The following CEP170 variants were observed in gnomAD, a reference collection of about 807,000 sequenced individuals.
The protein encoded by CEP170 is centrosomal protein of 170 kDa.
A neutral mutation model predicts 151.9 loss-of-function variants in CEP170; 21 were observed. The observed-to-expected ratio is 0.14, with a 90% CI of 0.10 to 0.20. The LOEUF is 0.20. CEP170 is among the 10% of genes least tolerant of loss of function. The probability of loss-of-function intolerance (pLI) is 1.00; values close to 1 mark genes in which losing one functional copy is unlikely to be tolerated. For missense variants in CEP170, 964 were observed against 1,892.9 expected (o/e 0.51, Z 9.11); for synonymous variants, 356 against 648.8 (o/e 0.55, Z 6.86).
At chr1:243,212,735 T>C (rs995400609) in intron 3 of CEP170, among the ~76,000 whole-genome samples, 1 of 152,060 alleles carries the variant, frequency 6.6e-6, no homozygotes, top group African/African-American at 2.4e-5. Context: ...GCGATCATGG[T>C]GCACTGCAGC....
At chr1:243,254,962 G>A (rs1223709306) in intron 1 of CEP170, 78 bp downstream of exon 1, 3 of 152,260 alleles carry the variant, frequency 2.0e-5, no homozygotes, top group Non-Finnish European at 2.9e-5. Flanking sequence ...GCAAACCCGA[G>A]GAGCAGGATG....
At chr1:243,230,717 A>G (rs1297545782) in intron 1 of CEP170, among the ~76,000 whole-genome samples, 1 of 152,152 alleles carries the variant, frequency 6.6e-6, no homozygotes, top group Non-Finnish European at 1.5e-5. Context: ...TCAATATGAG[A>G]AGCAGAAAAA....
chr1:243,131,166 C>T (rs1480886115), intron 17 of CEP170, among the ~76,000 whole-genome samples: 2 of 151,828 alleles, frequency 1.3e-5, no homozygotes, highest in Non-Finnish European at 2.9e-5. Flanking sequence ...AAAAAAAATG[C>T]CCCCCTGAAG....
chr1:243,243,170 G>T (rs1379150587), intron 1 of CEP170, among the ~76,000 whole-genome samples: 1 of 152,140 alleles, frequency 6.6e-6, no homozygotes, highest in Non-Finnish European at 1.5e-5. Context: ...GCTGCAGTAG[G>T]CTATGATCAT....
upstream of CEP170, chr1:243,255,327 C>T (rs2066538272): frequency 6.5e-6 from 1 of 152,890 alleles, no homozygotes; most frequent in Non-Finnish European, 1.5e-5. Context: ...TCCAACGATC[C>T]CTTACTGCGC....
chr1:243,226,761 G>A (rs780227758), intron 1 of CEP170, among the ~76,000 whole-genome samples: 49 of 152,192 alleles, frequency 3.2e-4, no homozygotes, highest in Middle Eastern at 3.4e-3. Context: ...AGGCCGAGGC[G>A]GGCAGATCAC....
intron 4 of CEP170, among the ~76,000 whole-genome samples, chr1:243,205,986 AAAG>A (rs1472470165): frequency 1.3e-5 from 2 of 152,162 alleles, no homozygotes; most frequent in Admixed American, 6.5e-5. Context: ...AAGAAAAAAG[AAAG>A]AAGAAGAAAG....
chr1:243,241,792 TAAAA>T (rs34933017), intron 1 of CEP170, among the ~76,000 whole-genome samples: 1 of 140,016 alleles, frequency 7.1e-6, no homozygotes, highest in Non-Finnish European at 1.5e-5. Context: ...TCCCTCTCAT[TAAAA>T]AAAAAAAAAA....
In CEP170 at chr1:243,185,768, C is replaced by G. The variant is rs1395472058; in HGVS notation, c.1566+11G>C. On this transcript the variant is annotated intron_variant, in intron 10 of 19. Transcript: ENST00000366542. The surrounding 1 kb of genome is among the most constrained non-coding windows in gnomAD (Gnocchi z 4.9). ...AACAACTAAGATCACACTCAAATTT[C>G]AATTATTTACCTTGTCAATCATTTT... is the stretch of plus-strand genomic sequence containing the variant. The G allele has an allele frequency of 1.7e-5, 26 of 1,573,878 alleles. No homozygotes were observed. The highest frequency in any genetic ancestry group is 2.2e-5 in the Non-Finnish European group (26 of 1,161,664).
intron 12 of CEP170, chr1:243,166,696 G>T (rs1430933060): frequency 6.6e-6 from 1 of 152,190 alleles, no homozygotes; most frequent in Admixed American, 6.5e-5. Context: ...AATTGTATGA[G>T]ATGAAAATTA....
chr1:243,249,321 G>C (rs1021394779), intron 1 of CEP170, among the ~76,000 whole-genome samples: 7 of 152,106 alleles, frequency 4.6e-5, no homozygotes, highest in Admixed American at 4.6e-4. Context: ...AACAGGCTGA[G>C]GTGGGAGTAT....
chr1:243,228,067 A>G (rs973242262), intron 1 of CEP170, among the ~76,000 whole-genome samples: 3 of 152,218 alleles, frequency 2.0e-5, no homozygotes, highest in African/African-American at 7.2e-5. Context: ...AATACTTGTA[A>G]ATATTTTCCC....
At chr1:243,218,182 C>G (rs1395580778) in intron 3 of CEP170, among the ~76,000 whole-genome samples, 1 of 152,218 alleles carries the variant, frequency 6.6e-6, no homozygotes, top group Non-Finnish European at 1.5e-5. Context: ...TCCTTTCAAC[C>G]TTTAGTGAAG....
intron 8 of CEP170, among the ~76,000 whole-genome samples, chr1:243,189,295 G>A (rs1475005557): frequency 6.6e-6 from 1 of 152,056 alleles, no homozygotes; most frequent in Non-Finnish European, 1.5e-5. Flanking sequence ...GGTGGCTCAC[G>A]CCTGTAACCC....
chr1:243,200,577 G>C lies in CEP170; in HGVS notation c.437C>G (p.Ala146Gly). Residue 146 changes from alanine (A) to glycine (G), a missense_variant, in exon 6 of 20, where the codon GCT becomes GGT. Physicochemically the swap from Ala to Gly is moderately conservative, Grantham distance 60 (BLOSUM62 0). Transcript: ENST00000366542. ...AKSIDSKVAD[A>G]ATEVQHKTTE... ...AGTTTTGTGCTGCACTTCAGTAGCA[G>C]CGTCTGCTACCTTTGAATCTATGCT... The C allele has an allele frequency of 1.3e-6, 2 of 1,586,166 alleles. No homozygotes were observed. Among genetic ancestry groups the C allele is most frequent in the Non-Finnish European group, 1.7e-6 (2 of 1,164,060 alleles).
At chr1:243,240,945 G>A (rs994103706) in intron 1 of CEP170, among the ~76,000 whole-genome samples, 4 of 152,064 alleles carry the variant, frequency 2.6e-5, no homozygotes, top group Non-Finnish European at 4.4e-5. Flanking sequence ...CTCCCGCTTC[G>A]TCCTTCCAAA....
intron 16 of CEP170, among the ~76,000 whole-genome samples, chr1:243,137,202 C>T (rs2148261364): frequency 6.6e-6 from 1 of 152,282 alleles, no homozygotes; most frequent in East Asian, 1.9e-4. Flanking sequence ...GTTTGCCAAG[C>T]CCTAGGCCAA....
chr1:243,216,651 G>C (rs536698855), intron 3 of CEP170, among the ~76,000 whole-genome samples: 1 of 152,156 alleles, frequency 6.6e-6, no homozygotes, highest in Admixed American at 6.5e-5. Flanking sequence ...GTCTACAAAA[G>C]AAATCAGAAA....
intron 2 of CEP170, among the ~76,000 whole-genome samples, chr1:243,222,015 T>G (rs1296989950): frequency 2.0e-5 from 3 of 152,222 alleles, no homozygotes; most frequent in Non-Finnish European, 2.9e-5. Flanking sequence ...ACATAAAATT[T>G]TAAAGATATT....
Sources: gnomAD v4.1 joint callset for allele counts (sites outside exome capture counted in the v4.1 genomes callset) on GRCh38, gnomAD v4.1.1 for gene constraint, Gnocchi (gnomAD v3.1) non-coding constraint, MANE v1.5 for transcripts, NCBI Gene and HGNC (gene_info 2026-07-23, HGNC 2026-07-21) for gene names.